The following MAST4 variants were observed in gnomAD, a reference collection of about 807,000 sequenced individuals.
The protein encoded by MAST4 is microtubule associated serine/threonine kinase family member 4, also known as microtubule-associated serine/threonine-protein kinase 4.
In MAST4, 89 loss-of-function variants were observed where a neutral mutation model predicts 162.7. The ratio of observed to expected loss-of-function variants is 0.55; its 90% CI spans 0.46 to 0.65. The LOEUF is 0.65. Ranked by LOEUF, MAST4 falls within the 30% of genes least tolerant of loss-of-function variation. The probability of loss-of-function intolerance (pLI) is 0.00; values close to 1 mark genes in which losing one functional copy is unlikely to be tolerated. For synonymous variants in MAST4, 1,479 were observed against 1,361.1 expected (o/e 1.09, Z -1.91); for missense variants, 3,153 against 3,374.0 (o/e 0.93, Z 1.62).
chr5:67,106,931 A>C (rs563956792), intron 10 of MAST4, among the ~76,000 whole-genome samples: 2 of 152,308 alleles, frequency 1.3e-5, no homozygotes, highest in Non-Finnish European at 2.9e-5. Context: ...AAAATATTCA[A>C]CCTATTAGGA....
chr5:66,884,043 T>C (rs993927105), intron 3 of MAST4, among the ~76,000 whole-genome samples: 1 of 152,228 alleles, frequency 6.6e-6, no homozygotes, highest in Non-Finnish European at 1.5e-5. Context: ...AGCTGGTATA[T>C]GGTGTGGCAA....
intron 24 of MAST4, among the ~76,000 whole-genome samples, chr5:67,150,071 G>A (rs1771607704): frequency 6.6e-6 from 1 of 152,190 alleles, no homozygotes; most frequent in Non-Finnish European, 1.5e-5. Flanking sequence ...GTCACAGACA[G>A]CATTGAAATT....
At chr5:66,666,664 G>T (rs1040174000) in intron 1 of MAST4, among the ~76,000 whole-genome samples, 54 of 152,150 alleles carry the variant, frequency 3.5e-4, no homozygotes, top group African/African-American at 1.3e-3. Context: ...TTCAAGGACT[G>T]CTGTTTTTCC....
chr5:67,137,061 T>A (rs1769746041), intron 19 of MAST4, among the ~76,000 whole-genome samples: 1 of 152,212 alleles, frequency 6.6e-6, no homozygotes, highest in Non-Finnish European at 1.5e-5. Flanking sequence ...TGTCTTTAAA[T>A]ATACATCCCC....
intron 3 of MAST4, among the ~76,000 whole-genome samples, chr5:66,838,827 GT>G (rs1375953941): frequency 6.6e-6 from 1 of 152,188 alleles, no homozygotes; most frequent in Non-Finnish European, 1.5e-5. Flanking sequence ...AGCAGGAAGT[GT>G]TTAGCAGAGT....
chr5:66,743,565 G>T (rs1014752053), intron 1 of MAST4, among the ~76,000 whole-genome samples: 9 of 152,220 alleles, frequency 5.9e-5, no homozygotes, highest in Non-Finnish European at 1.0e-4. Context: ...TCCTCCACAG[G>T]CTGCGTTTCA....
chr5:66,966,023 T>G (rs1407337497), intron 4 of MAST4, among the ~76,000 whole-genome samples: 1 of 152,246 alleles, frequency 6.6e-6, no homozygotes, highest in Non-Finnish European at 1.5e-5. Context: ...GAGTTCTTTA[T>G]AGTTGGCCAA....
At chr5:67,069,312 A>ATATATATATATATATAT (rs1561606003) in intron 5 of MAST4, among the ~76,000 whole-genome samples, 100 of 133,878 alleles carry the variant, frequency 7.5e-4, no homozygotes, top group African/African-American at 1.6e-3. Flanking sequence ...ATATATATAT[A>ATATATATATATATATAT]AAATTTTAAA....
intron 14 of MAST4, among the ~76,000 whole-genome samples, chr5:67,123,711 G>A (rs952948022): frequency 1.3e-5 from 2 of 152,146 alleles, no homozygotes; most frequent in Admixed American, 1.3e-4. Flanking sequence ...AACTTCAAAT[G>A]TTTTCAAAGT....
intron 3 of MAST4, among the ~76,000 whole-genome samples, chr5:66,890,632 G>C (rs1327634810): frequency 6.6e-6 from 1 of 152,350 alleles, no homozygotes; most frequent in South Asian, 2.1e-4. Context: ...CAAGATCTGT[G>C]TTGTGTCTCT....
chr5:66,784,300 T>C (rs886622197), intron 2 of MAST4, among the ~76,000 whole-genome samples: 1 of 152,150 alleles, frequency 6.6e-6, no homozygotes, highest in African/African-American at 2.4e-5. Flanking sequence ...AGTAATATTA[T>C]AAAATATGTA....
intron 4 of MAST4, among the ~76,000 whole-genome samples, chr5:66,996,132 A>C (rs1371137843): frequency 6.6e-6 from 1 of 151,894 alleles, no homozygotes; most frequent in Admixed American, 6.5e-5. Flanking sequence ...ACACAAAATT[A>C]GCTGCGCATG....
intron 2 of MAST4, among the ~76,000 whole-genome samples, chr5:66,777,501 T>C (rs1580426442): frequency 6.6e-6 from 1 of 152,308 alleles, no homozygotes; most frequent in South Asian, 2.1e-4. Flanking sequence ...TACATGATAG[T>C]AGTCAGGGTT....
At chr5:66,972,992 A>G (rs1311262886) in intron 4 of MAST4, among the ~76,000 whole-genome samples, 8 of 152,224 alleles carry the variant, frequency 5.3e-5, no homozygotes, top group Admixed American at 5.2e-4. Flanking sequence ...AAAAAGTTGA[A>G]AAAATTGTAC....
At chr5:67,078,927 T>TATATATATATATATA (rs1762227185) in intron 5 of MAST4, among the ~76,000 whole-genome samples, 1 of 84,308 alleles carries the variant, frequency 1.2e-5, no homozygotes, top group African/African-American at 5.8e-5. Flanking sequence ...TATATATATA[T>TATATATATATATATA]ATATATATAT....
chr5:66,716,106 G>T (rs557829184), intron 1 of MAST4, among the ~76,000 whole-genome samples: 2 of 152,144 alleles, frequency 1.3e-5, no homozygotes, highest in Admixed American at 6.5e-5. Context: ...ATAAAATTCT[G>T]TGAGAGAAAT....
At chr5:66,888,205 G>A (rs1275939576) in intron 3 of MAST4, among the ~76,000 whole-genome samples, 3 of 151,988 alleles carry the variant, frequency 2.0e-5, no homozygotes, top group Admixed American at 2.0e-4. Context: ...ACCATTAGAG[G>A]CTTAAGTTTA....
intron 1 of MAST4, among the ~76,000 whole-genome samples, chr5:66,618,769 CTG>C (rs1266446118): frequency 6.6e-6 from 1 of 152,098 alleles, no homozygotes; most frequent in Non-Finnish European, 1.5e-5. Context: ...CTTTAGTAGT[CTG>C]AGAATCGCTA....
chr5:66,761,646 G>A (rs1753855929), intron 2 of MAST4, among the ~76,000 whole-genome samples: 2 of 151,700 alleles, frequency 1.3e-5, no homozygotes, highest in East Asian at 1.9e-4. Flanking sequence ...CACATGATTA[G>A]TGGAGTCTGG....
Sources: allele counts gnomAD v4.1 joint callset (sites outside exome capture counted in the v4.1 genomes callset), GRCh38; gene constraint gnomAD v4.1.1; transcripts MANE v1.5; gene names NCBI Gene and HGNC (gene_info 2026-07-23, HGNC 2026-07-21).